The following ENTREP1 variants were observed in gnomAD, a reference collection of about 807,000 sequenced individuals.
The protein encoded by ENTREP1 is Friedreich ataxia region gene X123.
At chr9:69,325,255 C>A in the ENTREP1 span, 2 of 1,051,994 alleles carry the variant, frequency 1.9e-6, no homozygotes, top group African/African-American at 2.3e-5. Flanking sequence ...CTCCGCTCCG[C>A]GTCCTCTGCC....
the ENTREP1 span, chr9:69,380,079 AGG>A: frequency 6.6e-6 from 1 of 152,244 alleles, no homozygotes; most frequent in Non-Finnish European, 1.5e-5. Context: ...AGGCCGAAGG[AGG>A]GAGTTAAAGC....
chr9:69,389,383 C>G, the ENTREP1 span, among the ~76,000 whole-genome samples: 1 of 152,158 alleles, frequency 6.6e-6, no homozygotes, highest in Non-Finnish European at 1.5e-5. Flanking sequence ...CTTCCGTTCC[C>G]CCTTTCTACC....
the ENTREP1 span, among the ~76,000 whole-genome samples, chr9:69,364,513 G>A: frequency 2.0e-5 from 3 of 151,670 alleles, no homozygotes; most frequent in African/African-American, 7.3e-5. Context: ...TTTTCTTGTC[G>A]TCAGTTTAAG....
the ENTREP1 span, among the ~76,000 whole-genome samples, chr9:69,366,829 T>C: frequency 1.3e-5 from 2 of 152,156 alleles, no homozygotes; most frequent in Non-Finnish European, 2.9e-5. Context: ...GGTGCCTCTG[T>C]TAAAACTCAG....
At chr9:69,337,975 A>T in the ENTREP1 span, among the ~76,000 whole-genome samples, 5 of 152,294 alleles carry the variant, frequency 3.3e-5, no homozygotes, top group South Asian at 1.0e-3. Context: ...GAAGAAGCAT[A>T]TTGCGGAATC....
chr9:69,355,594 A>G, the ENTREP1 span, among the ~76,000 whole-genome samples: 1 of 152,210 alleles, frequency 6.6e-6, no homozygotes, highest in Non-Finnish European at 1.5e-5. Context: ...TGACTGCATA[A>G]CAAACCACCC....
At chr9:69,347,929 T>C in the ENTREP1 span, among the ~76,000 whole-genome samples, 3 of 152,196 alleles carry the variant, frequency 2.0e-5, no homozygotes, top group Non-Finnish European at 4.4e-5. Context: ...CCAAGTCAAA[T>C]GCATTATTTT....
chr9:69,376,309 G>A, the ENTREP1 span, among the ~76,000 whole-genome samples: 1 of 152,206 alleles, frequency 6.6e-6, no homozygotes, highest in Non-Finnish European at 1.5e-5. Context: ...AGTACTACCA[G>A]TCTGCAACAC....
chr9:69,340,653 A>ATGTGTGTGTGTGTGTG, the ENTREP1 span, among the ~76,000 whole-genome samples: 1 of 98,740 alleles, frequency 1.0e-5, no homozygotes. Context: ...GTGTGTGTGC[A>ATGTGTGTGTGTGTGTG]TGTGTGTGTG....
chr9:69,385,735 A>C, the ENTREP1 span: 1 of 1,449,290 alleles, frequency 6.9e-7, no homozygotes, highest in Non-Finnish European at 9.0e-7. Flanking sequence ...TGAGGACTGC[A>C]GCTGGTGAGA....
At chr9:69,341,440 C>T in the ENTREP1 span, among the ~76,000 whole-genome samples, 1 of 151,854 alleles carries the variant, frequency 6.6e-6, no homozygotes, top group South Asian at 2.1e-4. Flanking sequence ...TAGGATAAAA[C>T]CTCATTACCT....
At chr9:69,390,325 A>T in the ENTREP1 span, among the ~76,000 whole-genome samples, 490 of 152,360 alleles carry the variant, frequency 3.2e-3, no homozygotes, top group Non-Finnish European at 5.6e-3. Flanking sequence ...TTAGGTAACA[A>T]TAAAGCCCCA....
the ENTREP1 span, among the ~76,000 whole-genome samples, chr9:69,355,420 C>A: frequency 6.6e-6 from 1 of 152,104 alleles, no homozygotes; most frequent in East Asian, 1.9e-4. Flanking sequence ...GAGAGAAATA[C>A]CTGACTTAGC....
the ENTREP1 span, chr9:69,388,074 G>A: frequency 1.2e-6 from 2 of 1,610,974 alleles, no homozygotes; most frequent in African/African-American, 1.3e-5. Flanking sequence ...TCCATGTTGA[G>A]TTTTGTGGTC....
chr9:69,364,368 A>G, the ENTREP1 span, among the ~76,000 whole-genome samples: 381 of 143,568 alleles, frequency 2.7e-3, 1 homozygote, highest in Non-Finnish European at 5.0e-3. Flanking sequence ...GTTTCAAGAG[A>G]AACTCCGATC....
the ENTREP1 span, among the ~76,000 whole-genome samples, chr9:69,391,259 T>C: frequency 6.6e-6 from 1 of 152,176 alleles, no homozygotes; most frequent in Non-Finnish European, 1.5e-5. Flanking sequence ...TACCCGTCCC[T>C]CCCTGACCCA....
At chr9:69,391,877 T>C in the ENTREP1 span, 1 of 1,409,824 alleles carries the variant, frequency 7.1e-7, no homozygotes, top group South Asian at 1.3e-5. Context: ...CTGGGAGCTG[T>C]GGTCCACCTC....
the ENTREP1 span, among the ~76,000 whole-genome samples, chr9:69,374,864 G>A: frequency 2.5e-4 from 38 of 152,240 alleles, no homozygotes; most frequent in Admixed American, 6.5e-4. Context: ...TAGAAATATT[G>A]GGCAGAGATG....
chr9:69,325,696 C>T, the ENTREP1 span: 1 of 1,230,650 alleles, frequency 8.1e-7, no homozygotes, highest in African/African-American at 1.6e-5. Context: ...AGGTGAAGAA[C>T]TCGTGCCCGT....
Sources: gnomAD v4.1 joint callset for allele counts (sites outside exome capture counted in the v4.1 genomes callset) on GRCh38, gnomAD v4.1.1 for gene constraint, MANE v1.5 for transcripts, NCBI Gene and HGNC (gene_info 2026-07-23, HGNC 2026-07-21) for gene names.